The following KNDC1 variants were observed in gnomAD, a reference collection of about 807,000 sequenced individuals.
KNDC1 encodes the protein kinase non-catalytic C-lobe domain-containing protein 1.
In KNDC1, 106 loss-of-function variants were observed where a neutral mutation model predicts 172.8. The observed-to-expected ratio is 0.61, with a 90% CI of 0.52 to 0.72. The LOEUF is 0.72. KNDC1 is among the 30% of genes least tolerant of loss of function. KNDC1 has a pLI of 0.00. For missense variants in KNDC1, 2,325 were observed against 2,394.5 expected (o/e 0.97, Z 0.61); for synonymous variants, 1,083 against 1,062.2 (o/e 1.02, Z -0.38).
intron 1 of KNDC1, 174 bp from the exon 2 acceptor site, chr10:133,167,207 G>A: frequency 1.6e-6 from 1 of 640,510 alleles, no homozygotes; most frequent in Non-Finnish European, 2.7e-6. Context: ...GACGTCCAGG[G>A]AACAGCAGGA....
chr10:133,201,735 TCGGCCCAGCCTTGTCCCC>T lies in KNDC1; in HGVS notation c.3235_3252del (p.Leu1079_Ala1084del), dbSNP rs765766748. ...ACCCGACTGGCCAGGTCCAAAGGGG[TCGGCCCAGCCTTGTCCCC>T]CGGCCCAGCCGGATTCCAGAGCTGC... On this transcript the variant is annotated inframe_deletion, in exon 17 of 30. Coordinates refer to ENST00000304613, the MANE Select transcript of KNDC1 (RefSeq NM_152643.8). 1,085 of 1,600,168 alleles carry T rather than the reference TCGGCCCAGCCTTGTCCCC, an allele frequency of 6.8e-4. No individual in the cohort carries two copies. The highest frequency in any genetic ancestry group is 8.4e-4 in the Non-Finnish European group (985 of 1,173,696).
intron 1 of KNDC1, among the ~76,000 whole-genome samples, chr10:133,164,961 G>C (rs909894358): frequency 3.9e-5 from 6 of 152,200 alleles, no homozygotes; most frequent in African/African-American, 1.4e-4. Context: ...GGCAAGGAGG[G>C]CTAATTCCTC....
At chr10:133,221,560 G>A (rs1368437028) in intron 29 of KNDC1, among the ~76,000 whole-genome samples, 1 of 152,088 alleles carries the variant, frequency 6.6e-6, no homozygotes, top group African/African-American at 2.4e-5. Context: ...CACACGGTCA[G>A]GTGGAGGCTG....
intron 23 of KNDC1, among the ~76,000 whole-genome samples, 181 bp from the exon 24 acceptor site, chr10:133,212,535 G>A (rs2136023414): frequency 6.6e-6 from 1 of 152,348 alleles, no homozygotes; most frequent in East Asian, 1.9e-4. Context: ...GACCAGGACA[G>A]GCATCCTTGT....
Position 133,207,260 on chromosome 10 carries a change from TACA to T in KNDC1, c.3706_3708del (p.Asn1236del). ...GGACGAGTCCTCCTCGCTCATCTTC[TACA>T]ACGTCAACAAGCACCCGGGCGGCCG... is the stretch of plus-strand genomic sequence containing the variant. On this transcript the variant is annotated inframe_deletion, in exon 20 of 30. Coordinates refer to ENST00000304613, the MANE Select transcript of KNDC1 (RefSeq NM_152643.8). 3 of 1,613,110 alleles carry T rather than the reference TACA, an allele frequency of 1.9e-6. No homozygotes were observed. Among genetic ancestry groups the T allele is most frequent in the Non-Finnish European group, 2.5e-6 (3 of 1,179,972 alleles).
intron 7 of KNDC1, 21 bp downstream of exon 7, chr10:133,188,674 T>TTC: frequency 1.6e-6 from 2 of 1,215,928 alleles, no homozygotes; most frequent in Non-Finnish European, 2.2e-6. Context: ...CACCATCCCA[T>TTC]CCCCCCCGCC....
intron 24 of KNDC1, 66 bp from the exon 25 acceptor site, chr10:133,213,579 C>A: frequency 7.1e-7 from 1 of 1,413,936 alleles, no homozygotes; most frequent in Non-Finnish European, 1.0e-6. Flanking sequence ...CTCCCTGGGA[C>A]CCTGCCTTGG....
chr10:133,163,296 G>A lies in KNDC1; in HGVS notation c.102+2727G>A, dbSNP rs1853037728. On this transcript the variant is annotated intron_variant, in intron 1 of 29. Transcript: ENST00000304613. This position sits in a 1 kb window ranked among gnomAD's most constrained non-coding sequence, Gnocchi z 4.4. The stretch of plus-strand genomic sequence containing the variant: ...AGGCAGCACTATCATCCCTCCCAGA[G>A]TTCAGCAACTGCCTCCCAGAACCTC... Among the ~76,000 whole-genome samples, 1 of 152,196 alleles carries A rather than the reference G, an allele frequency of 6.6e-6. No homozygotes were observed. Among genetic ancestry groups the A allele is most frequent in the African/African-American group, 2.4e-5 (1 of 41,430 alleles).
chr10:133,188,328 CCACCCA>C, intron 6 of KNDC1, among the ~76,000 whole-genome samples: 1 of 152,288 alleles, frequency 6.6e-6, no homozygotes, highest in Non-Finnish European at 1.5e-5. Context: ...TGGGACGTTC[CCACCCA>C]CAGGGCCAAG....
At position 133,163,929 on chromosome 10, in the gene KNDC1, C is replaced by CACAATTGCAAAGTGGGGA. The variant is rs1564869717; in HGVS notation, c.102+3360_102+3361insACAATTGCAAAGTGGGGA. ...GGGATGGGGGTGGAGTTCGTGGCCA[C>CACAATTGCAAAGTGGGGA]CTGCCTTCCCAAATCCCTCCTCCCA... On this transcript the variant is annotated intron_variant, in intron 1 of 29. Transcript: ENST00000304613. This position sits in a 1 kb window ranked among gnomAD's most constrained non-coding sequence, Gnocchi z 4.4. Among the ~76,000 whole-genome samples the CACAATTGCAAAGTGGGGA allele has an allele frequency of 1.9e-3, 250 of 132,848 alleles. 8 individuals carry two copies. The highest frequency in any genetic ancestry group is 2.1e-3 in the South Asian group (9 of 4,206). The allele number at this position is 132,848 out of a possible 152,430, so 87.2% of individuals were successfully genotyped here.
In KNDC1 at chr10:133,198,931, C is replaced by T. The variant is rs1166985949; in HGVS notation, c.2423C>T (p.Ser808Phe). The T allele has an allele frequency of 6.4e-7, 1 of 1,562,296 alleles. No homozygotes were observed. Among genetic ancestry groups the T allele is most frequent in the South Asian group, 1.2e-5 (1 of 86,188 alleles). Residue 808 changes from serine to phenylalanine, a missense_variant, in exon 14 of 30, where the codon TCC becomes TTC. Transcript: ENST00000304613. ...GAGCCGATCCCACCTGGAGTTGCTT[C>T]CGGGGGCCTCAGGCCCGACGCCCTG... The part of the protein sequence containing the change: ...PAEPIPPGVA[S>F]GGLRPDALGP...
At position 133,186,939 on chromosome 10, in the gene KNDC1, C is replaced by A. The variant is rs903576488; in HGVS notation, c.1326+265C>A. Among the ~76,000 whole-genome samples, 2 of 152,170 alleles carry A rather than the reference C, an allele frequency of 1.3e-5. 1 individual carries two copies. The highest frequency in any genetic ancestry group is 4.8e-5 in the African/African-American group (2 of 41,452). ...AAGCAGCCGCCTCCTCAGCCCTGCC[C>A]GGCTCCTCACACAGCCCCGCACGGC... On this transcript the variant is annotated intron_variant, in intron 6 of 29. Coordinates refer to ENST00000304613, the MANE Select transcript of KNDC1 (RefSeq NM_152643.8).
intron 20 of KNDC1, among the ~76,000 whole-genome samples, chr10:133,210,241 C>G (rs1266864865): frequency 6.6e-6 from 1 of 151,572 alleles, no homozygotes; most frequent in Non-Finnish European, 1.5e-5. Flanking sequence ...AAAAATCAGC[C>G]GGGCATGGTA....
chr10:133,213,587 T>C, intron 24 of KNDC1, 58 bp from the exon 25 acceptor site: 1 of 1,507,640 alleles, frequency 6.6e-7, no homozygotes, highest in Non-Finnish European at 9.2e-7. Flanking sequence ...GACCCTGCCT[T>C]GGACACAAGG....
At chr10:133,210,232 A>G (rs893143775) in intron 20 of KNDC1, among the ~76,000 whole-genome samples, 4 of 151,850 alleles carry the variant, frequency 2.6e-5, no homozygotes, top group African/African-American at 9.7e-5. Context: ...CTAAAACACA[A>G]AAATCAGCCG....
chr10:133,184,663 A>T (rs1430708402), intron 5 of KNDC1, among the ~76,000 whole-genome samples: 1 of 152,034 alleles, frequency 6.6e-6, no homozygotes, highest in South Asian at 2.1e-4. Context: ...TGCTGGTCCT[A>T]TGCACACACC....
At chr10:133,202,171 C>G in intron 17 of KNDC1, 1 of 686,234 alleles carries the variant, frequency 1.5e-6, no homozygotes, top group Non-Finnish European at 2.7e-6. Flanking sequence ...GTCGCCCGGG[C>G]GATGGGTTCA....
intron 20 of KNDC1, among the ~76,000 whole-genome samples, chr10:133,210,074 A>G (rs1035834631): frequency 1.3e-5 from 2 of 152,104 alleles, no homozygotes; most frequent in Non-Finnish European, 2.9e-5. Context: ...AGCCCTGCAT[A>G]GGGCTGCGTT....
chr10:133,224,995 C>A lies in KNDC1; in HGVS notation c.*105C>A. The A allele has an allele frequency of 1.1e-6, 1 of 889,392 alleles. No individual in the cohort carries two copies. The highest frequency in any genetic ancestry group is 1.8e-6 in the Non-Finnish European group (1 of 561,994). 55.1% of individuals were successfully genotyped at this position (889,392 alleles called of 1,614,324 possible). On this transcript the variant is annotated 3_prime_UTR_variant, in exon 30 of 30. Transcript: ENST00000304613. The surrounding 1 kb of genome is among the most constrained non-coding windows in gnomAD (Gnocchi z 5.4). ...GGCCCGGCCGTTATCAAGGCCCCTCCGCCCCCGAACCCTGGGGAGCTGGAC... is the reference window on the plus strand; with the variant it reads ...GGCCCGGCCGTTATCAAGGCCCCTCAGCCCCCGAACCCTGGGGAGCTGGAC...
Sources: allele counts gnomAD v4.1 joint callset (sites outside exome capture counted in the v4.1 genomes callset), GRCh38; gene constraint gnomAD v4.1.1; non-coding constraint Gnocchi (gnomAD v3.1); transcripts MANE v1.5; gene names NCBI Gene and HGNC (gene_info 2026-07-23, HGNC 2026-07-21).